The following SLC2A13 variants were observed in gnomAD, a reference collection of about 807,000 sequenced individuals.
SLC2A13 encodes solute carrier family 2 member 13.
A neutral mutation model predicts 64.4 loss-of-function variants in SLC2A13; 32 were observed. The ratio of observed to expected loss-of-function variants is 0.50; its 90% CI spans 0.37 to 0.67. The LOEUF (loss-of-function observed/expected upper bound fraction) is 0.67. Ranked by LOEUF, SLC2A13 falls within the 30% of genes least tolerant of loss-of-function variation. The pLI, the probability that SLC2A13 is intolerant of heterozygous loss-of-function variation, is 0.00. For missense variants in SLC2A13, 743 were observed against 829.2 expected, an observed-to-expected ratio of 0.90 and a Z score of 1.28; for synonymous variants, 338 against 327.1, an observed-to-expected ratio of 1.03 and a Z score of -0.36.
chr12:40,042,653 C>T (rs776731219), intron 2 of SLC2A13, among the ~76,000 whole-genome samples: 8 of 152,068 alleles, frequency 5.3e-5, no homozygotes, highest in Admixed American at 1.3e-4. Flanking sequence ...CAGTGAATTT[C>T]AGCTCAGTTC....
intron 1 of SLC2A13, among the ~76,000 whole-genome samples, chr12:40,049,438 T>G (rs1345164814): frequency 3.3e-5 from 5 of 152,192 alleles, no homozygotes; most frequent in Admixed American, 3.3e-4. Flanking sequence ...CAAGTGCTGT[T>G]GAAGGTGCTA....
At chr12:39,862,664 T>C (rs1467042588) in intron 6 of SLC2A13, among the ~76,000 whole-genome samples, 4 of 152,238 alleles carry the variant, frequency 2.6e-5, no homozygotes, top group Non-Finnish European at 4.4e-5. Context: ...TGTGATTCTT[T>C]TCCTGTTTGT....
intron 6 of SLC2A13, 161 bp from the exon 7 acceptor site, chr12:39,830,389 T>A (rs1355810472): frequency 7.2e-7 from 1 of 1,388,784 alleles, no homozygotes; most frequent in Non-Finnish European, 9.3e-7. Context: ...CTGAGCCAGG[T>A]GAGAGCTGGC....
At chr12:39,859,928 T>G (rs1200040303) in intron 6 of SLC2A13, among the ~76,000 whole-genome samples, 1 of 152,210 alleles carries the variant, frequency 6.6e-6, no homozygotes, top group Non-Finnish European at 1.5e-5. Context: ...AAGATCTGTA[T>G]CAAAGAGGTA....
intron 2 of SLC2A13, among the ~76,000 whole-genome samples, chr12:40,033,343 A>G (rs1947932390): frequency 1.3e-5 from 2 of 152,256 alleles, no homozygotes; most frequent in Non-Finnish European, 2.9e-5. Context: ...TCCCTTTGGA[A>G]GTATTATTCC....
intron 7 of SLC2A13, among the ~76,000 whole-genome samples, chr12:39,825,575 A>C (rs921340287): frequency 3.3e-5 from 5 of 152,116 alleles, no homozygotes. Flanking sequence ...TTTTTTCTTG[A>C]AAACTGTCCA....
At chr12:40,060,395 T>A (rs1264875902) in intron 1 of SLC2A13, among the ~76,000 whole-genome samples, 8 of 152,204 alleles carry the variant, frequency 5.3e-5, no homozygotes, top group Admixed American at 2.0e-4. Flanking sequence ...GTTTTCTTTC[T>A]TTAGGTATGT....
intron 4 of SLC2A13, among the ~76,000 whole-genome samples, chr12:39,924,396 G>A (rs1435138697): frequency 2.0e-5 from 3 of 151,902 alleles, no homozygotes; most frequent in East Asian, 3.9e-4. Context: ...TTTATCTGCT[G>A]TAAATGATTC....
At position 39,755,563 on chromosome 12, in the gene SLC2A13, T is replaced by C. The variant is rs893024729; in HGVS notation, c.*4463A>G. 6.6e-6 allele frequency: 1 copy of C among 152,118 alleles called. No individual in the cohort carries two copies. Among genetic ancestry groups the C allele is most frequent in the African/African-American group, 2.4e-5 (1 of 41,438 alleles). 9.4% of individuals were successfully genotyped at this position (152,118 alleles called of 1,614,324 possible). A position where few individuals can be genotyped will look rare whatever the true frequency, so the allele number is the denominator to read the frequency against. Reference sequence around the variant, plus strand: ...CTACTTTGGCTAGAGTTGTCTCTTCTTTTTTAACCTTTAAATGAGATGGAA... The same window carrying C: ...CTACTTTGGCTAGAGTTGTCTCTTCCTTTTTAACCTTTAAATGAGATGGAA... On this transcript the variant is annotated 3_prime_UTR_variant, in exon 10 of 10. Coordinates refer to ENST00000280871, the MANE Select transcript of SLC2A13 (RefSeq NM_052885.4).
At chr12:39,881,655 T>C (rs932532008) in intron 4 of SLC2A13, among the ~76,000 whole-genome samples, 1 of 152,206 alleles carries the variant, frequency 6.6e-6, no homozygotes, top group Non-Finnish European at 1.5e-5. Context: ...ACTCTTTTTC[T>C]GTGCCCTGTG....
intron 1 of SLC2A13, among the ~76,000 whole-genome samples, chr12:40,102,691 T>A (rs766696561): frequency 2.6e-5 from 4 of 152,146 alleles, no homozygotes; most frequent in Non-Finnish European, 5.9e-5. Flanking sequence ...CACATAAAAT[T>A]TAACTACTTA....
In SLC2A13 at chr12:39,836,752, G is replaced by C. The variant is rs374187867; in HGVS notation, c.1320-6524C>G. On this transcript the variant is annotated intron_variant, in intron 6 of 9. Transcript: ENST00000280871. The stretch of plus-strand genomic sequence containing the variant: ...CTCCCATTCACAATTGCTTCAAAGA[G>C]AATAAAATACCTAGGAATCCAACTT... Among the ~76,000 whole-genome samples, 114 of 114,030 alleles carry C rather than the reference G, an allele frequency of 1.0e-3. 2 individuals carry two copies. In the East Asian group the frequency reaches 0.02, roughly 20 times the overall value. 74.8% of individuals were successfully genotyped at this position (114,030 alleles called of 152,430 possible).
chr12:39,953,438 C>T (rs1054046294), intron 3 of SLC2A13, among the ~76,000 whole-genome samples: 9 of 151,948 alleles, frequency 5.9e-5, no homozygotes, highest in Non-Finnish European at 7.4e-5. Context: ...AATTATGAAC[C>T]TAGCTTTATT....
At chr12:39,996,959 C>T (rs1444369085) in intron 3 of SLC2A13, among the ~76,000 whole-genome samples, 1 of 152,100 alleles carries the variant, frequency 6.6e-6, no homozygotes, top group Non-Finnish European at 1.5e-5. Context: ...GACCATACTG[C>T]CAAAAGCAAT....
chr12:40,094,600 C>T (rs1232587035), intron 1 of SLC2A13, among the ~76,000 whole-genome samples: 3 of 152,030 alleles, frequency 2.0e-5, no homozygotes, highest in Non-Finnish European at 4.4e-5. Context: ...GTAAAGTTGA[C>T]AAGAGCAATG....
At chr12:40,024,122 A>G (rs916038585) in intron 3 of SLC2A13, among the ~76,000 whole-genome samples, 1 of 152,232 alleles carries the variant, frequency 6.6e-6, no homozygotes, top group Non-Finnish European at 1.5e-5. Context: ...ATCTGTTGAT[A>G]ATACAGGCCA....
intron 7 of SLC2A13, among the ~76,000 whole-genome samples, chr12:39,814,318 C>T (rs1376461071): frequency 6.6e-6 from 1 of 152,144 alleles, no homozygotes; most frequent in Non-Finnish European, 1.5e-5. Flanking sequence ...GAATTATGTA[C>T]TTATAATTTC....
chr12:39,935,411 T>C (rs2136078024), intron 4 of SLC2A13, among the ~76,000 whole-genome samples: 1 of 152,324 alleles, frequency 6.6e-6, no homozygotes, highest in South Asian at 2.1e-4. Context: ...CCTAAGGTCA[T>C]GTCTGCAGAC....
At chr12:39,820,495 A>T (rs1023708460) in intron 7 of SLC2A13, among the ~76,000 whole-genome samples, 4 of 152,148 alleles carry the variant, frequency 2.6e-5, no homozygotes, top group African/African-American at 9.6e-5. Context: ...GTGGAAAACT[A>T]TTTTGTTTAT....
Sources: gnomAD v4.1 joint callset for allele counts (sites outside exome capture counted in the v4.1 genomes callset) on GRCh38, gnomAD v4.1.1 for gene constraint, MANE v1.5 for transcripts, NCBI Gene and HGNC (gene_info 2026-07-23, HGNC 2026-07-21) for gene names.